COL12A1: variants seen among roughly 807,000 people sequenced by gnomAD.
The protein encoded by COL12A1 is collagen alpha-1(XII) chain.
COL12A1 carries 114 observed loss-of-function variants against 349.7 expected under a neutral mutation model. That is an observed-to-expected ratio of 0.33 (90% CI 0.28 to 0.38). The LOEUF (loss-of-function observed/expected upper bound fraction) is 0.38. Among genes scored for constraint, COL12A1 ranks in the 10% least tolerant of loss-of-function variants. The pLI is 1.00. For missense variants in COL12A1, 3,284 were observed against 3,756.9 expected (o/e 0.87, Z 3.29); for synonymous variants, 1,369 against 1,329.0 (o/e 1.03, Z -0.66).
At chr6:75,138,111 G>A (rs1582114195) in intron 30 of COL12A1, among the ~76,000 whole-genome samples, 2 of 152,056 alleles carry the variant, frequency 1.3e-5, no homozygotes, top group Non-Finnish European at 2.9e-5. Flanking sequence ...CTAATCTTTT[G>A]TTATGGCACC....
chr6:75,100,593 C>T (rs544548448), intron 58 of COL12A1, among the ~76,000 whole-genome samples: 10 of 152,186 alleles, frequency 6.6e-5, no homozygotes, highest in Non-Finnish European at 1.5e-4. Context: ...TGACCTCTCT[C>T]TTTTCTCTCC....
At chr6:75,129,975 A>C in intron 37 of COL12A1, 116 bp downstream of exon 37, 1 of 1,229,784 alleles carries the variant, frequency 8.1e-7, no homozygotes, top group Non-Finnish European at 1.1e-6. Flanking sequence ...AGAAAATCCT[A>C]AAGTGTGACT....
At chr6:75,123,292 C>T (rs1330241159) in intron 43 of COL12A1, 38 bp downstream of exon 43, 14 of 1,529,752 alleles carry the variant, frequency 9.2e-6, no homozygotes, top group Non-Finnish European at 1.3e-5. Flanking sequence ...CTGTAACTCC[C>T]TATCAGCTGA....
At chr6:75,117,638 C>T (rs1769154420) in intron 46 of COL12A1, 92 bp from the exon 47 acceptor site, 6 of 1,389,888 alleles carry the variant, frequency 4.3e-6, no homozygotes, top group South Asian at 4.3e-5. Flanking sequence ...AGAAATGATG[C>T]TGTATTTTCT....
Position 75,121,347 on chromosome 6 carries a change from G to T in COL12A1, c.7041C>A (p.Phe2347Leu). The T allele has an allele frequency of 1.9e-6, 3 of 1,612,104 alleles. No individual in the cohort carries two copies. Among genetic ancestry groups the T allele is most frequent in the Non-Finnish European group, 2.5e-6 (3 of 1,178,688 alleles). Residue 2347 changes from phenylalanine (F) to leucine (L), a missense_variant, in exon 44 of 66, where the codon TTC (phenylalanine) becomes TTA (leucine). Physicochemically the swap from Phe to Leu is conservative, Grantham distance 22. Around this residue, in one of 2 missense-constraint regions of COL12A1, gnomAD observed 683 missense variants for 932.1 expected, o/e 0.73. Coordinates refer to ENST00000322507, the MANE Select transcript of COL12A1 (RefSeq NM_004370.6). ...DNFNKVVKFI[F>L]NTVGGFDEIS... ...TTTCATCAAAGCCTCCCACAGTATT[G>T]AAGATGAATTTTACAACTTTGTTAA...
At position 75,165,473 on chromosome 6, in the gene COL12A1, GCA is replaced by G. The variant is rs1582162020; in HGVS notation, c.2983+32_2983+33del. 3 of 1,602,024 alleles carry G rather than the reference GCA, an allele frequency of 1.9e-6. No individual in the cohort carries two copies. The East Asian group carries it at 6.7e-5, about 36-fold the overall frequency. ...AGCTGATAACTATTGGGTAGCACCG[GCA>G]CACACCCAAACACACCCATAATGTT... On this transcript the variant is annotated intron_variant, in intron 14 of 65. Coordinates refer to ENST00000322507, the MANE Select transcript of COL12A1 (RefSeq NM_004370.6).
At chr6:75,184,504 T>C (rs1257438619) in intron 8 of COL12A1, among the ~76,000 whole-genome samples, 1 of 152,252 alleles carries the variant, frequency 6.6e-6, no homozygotes, top group Admixed American at 6.5e-5. Flanking sequence ...GATAAATATT[T>C]GTTAAATCAA....
Position 75,126,280 on chromosome 6 carries a change from G to A in COL12A1, c.6460+71C>T, listed in dbSNP as rs181777666. On this transcript the variant is annotated intron_variant, in intron 39 of 65. Coordinates refer to ENST00000322507, the MANE Select transcript of COL12A1 (RefSeq NM_004370.6). ...TCAGGAGAACCCAACAGTGGGGGAT[G>A]AAAGAGAAAATACCCTCATATGCAA... The A allele has an allele frequency of 1.1e-4, 168 of 1,521,782 alleles. 1 individual carries two copies. The Middle Eastern group carries it at 2.1e-3, about 19-fold the overall frequency. The allele number at this position is 1,521,782 out of a possible 1,614,324, so 94.3% of individuals were successfully genotyped here. A position where few individuals can be genotyped will look rare whatever the true frequency, so the allele number is the denominator to read the frequency against.
At chr6:75,148,804 A>G (rs1767334126) in intron 21 of COL12A1, among the ~76,000 whole-genome samples, 1 of 152,078 alleles carries the variant, frequency 6.6e-6, no homozygotes, top group Non-Finnish European at 1.5e-5. Context: ...TCAAGACCCG[A>G]TATGGTTTTG....
intron 52 of COL12A1, 84 bp downstream of exon 52, chr6:75,108,934 A>G: frequency 7.1e-7 from 1 of 1,400,132 alleles, no homozygotes. Context: ...AAATAGAATA[A>G]AATAAAACTC....
rs1028351058 is a variant in COL12A1, at chr6:75,183,335, C to T, written c.1606G>A (p.Gly536Arg). Residue 536 changes from glycine to arginine, a missense_variant, in exon 10 of 66, where the codon GGA (glycine) becomes AGA (arginine). Physicochemically the swap from Gly to Arg is moderately radical, Grantham distance 125. Around this residue, in one of 2 missense-constraint regions of COL12A1, gnomAD observed 2,601 missense variants for 2,824.8 expected, o/e 0.92. Coordinates refer to ENST00000322507, the MANE Select transcript of COL12A1 (RefSeq NM_004370.6). ...VREKIFVPSK[G>R]SRSNVPKVMI... ...ACCTTTGGCACATTGCTTCTTGATCCCTTGCTAGGCACAAATATTTTCTCT... is the reference window on the plus strand; with the variant it reads ...ACCTTTGGCACATTGCTTCTTGATCTCTTGCTAGGCACAAATATTTTCTCT... 9.9e-6 allele frequency: 16 copies of T among 1,614,070 alleles called. No homozygotes were observed. The highest frequency in any genetic ancestry group is 1.1e-5 in the Non-Finnish European group (13 of 1,180,046).
chr6:75,178,798 A>G (rs1769111640), intron 11 of COL12A1, among the ~76,000 whole-genome samples: 1 of 152,224 alleles, frequency 6.6e-6, no homozygotes, highest in Admixed American at 6.5e-5. Context: ...ACATCAATAG[A>G]TCACTCCAGG....
chr6:75,152,579 G>T, intron 17 of COL12A1, 97 bp from the exon 18 acceptor site: 3 of 1,367,716 alleles, frequency 2.2e-6, no homozygotes, highest in Non-Finnish European at 3.1e-6. Context: ...CCTCAGTGTT[G>T]CCTGTCTCAG....
chr6:75,120,533 G>C (rs1028851355), intron 44 of COL12A1, among the ~76,000 whole-genome samples: 2 of 152,110 alleles, frequency 1.3e-5, no homozygotes, highest in Non-Finnish European at 2.9e-5. Context: ...TAGAAGATTA[G>C]ACAGAACAGA....
intron 54 of COL12A1, 58 bp from the exon 55 acceptor site, chr6:75,103,868 T>C (rs1463795586): frequency 2.9e-6 from 4 of 1,396,522 alleles, no homozygotes; most frequent in Admixed American, 2.1e-5. Flanking sequence ...GAAGTTGATA[T>C]ACAAAAAGTC....
chr6:75,112,613 A>G (rs866213982), intron 51 of COL12A1, among the ~76,000 whole-genome samples: 26 of 151,872 alleles, frequency 1.7e-4, no homozygotes, highest in South Asian at 8.3e-4. Context: ...AACTTTTAAT[A>G]AGATTTTCTA....
At chr6:75,094,368 A>G (rs1356444434) in intron 60 of COL12A1, among the ~76,000 whole-genome samples, 2 of 151,698 alleles carry the variant, frequency 1.3e-5, no homozygotes, top group African/African-American at 4.9e-5. Context: ...GACAAAAAAA[A>G]TTGCTTAAAT....
intron 65 of COL12A1, 63 bp downstream of exon 65, chr6:75,087,514 C>T (rs756395971): frequency 7.0e-6 from 11 of 1,566,870 alleles, no homozygotes; most frequent in Non-Finnish European, 9.6e-6. Context: ...TCCTAAGGAA[C>T]TTCATTTCCG....
At chr6:75,110,671 A>C (rs1437617860) in intron 51 of COL12A1, among the ~76,000 whole-genome samples, 1 of 152,000 alleles carries the variant, frequency 6.6e-6, no homozygotes, top group Admixed American at 6.6e-5. Flanking sequence ...GAGACACAAA[A>C]AAAGCTTTTC....
Sources: allele counts gnomAD v4.1 joint callset (sites outside exome capture counted in the v4.1 genomes callset), GRCh38; gene constraint gnomAD v4.1.1; regional missense constraint gnomAD v4.1.1; transcripts MANE v1.5; gene names NCBI Gene and HGNC (gene_info 2026-07-23, HGNC 2026-07-21).